Variants in SLIT2 observed in about 807,000 individuals in gnomAD.
SLIT2 encodes the protein slit homolog 2 protein.
Under a neutral mutation model 185.7 loss-of-function variants are expected in SLIT2, and 41 were observed. That is an observed-to-expected ratio of 0.22 (90% CI 0.17 to 0.29). The LOEUF is 0.29. SLIT2 is among the 10% of genes least tolerant of loss of function. SLIT2 has a pLI of 1.00. For missense variants in SLIT2, 1,571 were observed against 1,909.0 expected (o/e 0.82, Z 3.30); for synonymous variants, 693 against 680.2 (o/e 1.02, Z -0.29).
chr4:20,357,453 T>G (rs1000170872), intron 4 of SLIT2, among the ~76,000 whole-genome samples: 1 of 152,150 alleles, frequency 6.6e-6, no homozygotes, highest in Non-Finnish European at 1.5e-5. Flanking sequence ...ATTAGAGATA[T>G]GCTATTTTTC....
At chr4:20,476,303 C>G (rs187242375) in intron 5 of SLIT2, among the ~76,000 whole-genome samples, 1 of 152,056 alleles carries the variant, frequency 6.6e-6, no homozygotes, top group Non-Finnish European at 1.5e-5. Flanking sequence ...CTTTTTCTCC[C>G]ATGTGGTTTA....
chr4:20,559,068 A>T (rs1369184283), intron 26 of SLIT2, among the ~76,000 whole-genome samples: 1 of 152,058 alleles, frequency 6.6e-6, no homozygotes, highest in African/African-American at 2.4e-5. Flanking sequence ...AAGTGTGAGG[A>T]TAATGCTACA....
intron 4 of SLIT2, among the ~76,000 whole-genome samples, chr4:20,465,559 A>G (rs1273155930): frequency 6.6e-6 from 1 of 152,166 alleles, no homozygotes; most frequent in Non-Finnish European, 1.5e-5. Context: ...AACCACACAT[A>G]AACCATTAGC....
intron 4 of SLIT2, among the ~76,000 whole-genome samples, chr4:20,350,314 A>G (rs543339721): frequency 2.0e-4 from 31 of 152,128 alleles, no homozygotes; most frequent in African/African-American, 7.2e-4. Context: ...GCTGAGTACA[A>G]ATATCCTCCA....
chr4:20,324,532 G>A (rs1719391661), intron 4 of SLIT2, among the ~76,000 whole-genome samples: 1 of 152,074 alleles, frequency 6.6e-6, no homozygotes, highest in Admixed American at 6.6e-5. Context: ...AATGGAATCA[G>A]GAATTGAAAA....
chr4:20,478,057 A>G (rs1447210553), intron 5 of SLIT2, among the ~76,000 whole-genome samples: 2 of 152,204 alleles, frequency 1.3e-5, no homozygotes, highest in Admixed American at 6.5e-5. Context: ...CATAGTTTTG[A>G]CACTGTTTAT....
Position 20,388,910 on chromosome 4 carries a change from T to C in SLIT2, c.396-78842T>C, listed in dbSNP as rs950653540. On this transcript the variant is annotated intron_variant, in intron 4 of 36. Coordinates refer to ENST00000504154, the MANE Select transcript of SLIT2 (RefSeq NM_004787.4). ...AAACATAATATATATAATATATACA[T>C]ATAATATATATAATATATAATATAT... is the stretch of plus-strand genomic sequence containing the variant. Among the ~76,000 whole-genome samples the C allele has an allele frequency of 9.6e-5, 14 of 146,150 alleles. 1 individual carries two copies. The East Asian group carries it at 2.0e-3, about 21-fold the overall frequency.
At chr4:20,291,227 G>A (rs149807964) in intron 4 of SLIT2, among the ~76,000 whole-genome samples, 15 of 151,798 alleles carry the variant, frequency 9.9e-5, no homozygotes, top group Admixed American at 6.6e-5. Context: ...TATCTAAGTC[G>A]TTCCTGGAAA....
chr4:20,391,189 A>G (rs1192225714), intron 4 of SLIT2, among the ~76,000 whole-genome samples: 3 of 152,076 alleles, frequency 2.0e-5, no homozygotes, highest in Non-Finnish European at 4.4e-5. Flanking sequence ...GTTGCAGAAT[A>G]ATGTATATGT....
At chr4:20,580,791 C>G (rs1726496144) in intron 29 of SLIT2, among the ~76,000 whole-genome samples, 2 of 152,132 alleles carry the variant, frequency 1.3e-5, no homozygotes, top group Admixed American at 6.5e-5. Flanking sequence ...CATCTTGACT[C>G]TCTTGAAGCA....
intron 26 of SLIT2, among the ~76,000 whole-genome samples, chr4:20,557,169 G>A (rs1212910269): frequency 6.6e-6 from 1 of 152,092 alleles, no homozygotes; most frequent in African/African-American, 2.4e-5. Context: ...GCTACAGCAA[G>A]TTACCCAGAA....
At chr4:20,275,661 G>GTTA (rs1465102981) in intron 4 of SLIT2, among the ~76,000 whole-genome samples, 1 of 152,086 alleles carries the variant, frequency 6.6e-6, no homozygotes, top group East Asian at 1.9e-4. Flanking sequence ...TTTGTACCAT[G>GTTA]TTATTTCTCT....
At chr4:20,512,800 G>A (rs1487338158) in intron 11 of SLIT2, among the ~76,000 whole-genome samples, 1 of 152,118 alleles carries the variant, frequency 6.6e-6, no homozygotes, top group Non-Finnish European at 1.5e-5. Flanking sequence ...AAATCAGTGG[G>A]AAATTCTTAT....
rs369690940 is a variant in SLIT2, at chr4:20,569,716, T to C, written c.3088+712T>C. Among the ~76,000 whole-genome samples, 376 of 152,158 alleles carry C rather than the reference T, an allele frequency of 2.5e-3. 4 individuals carry two copies. Among genetic ancestry groups the C allele is most frequent in the African/African-American group, 8.4e-3 (347 of 41,534 alleles). On this transcript the variant is annotated intron_variant, in intron 29 of 36. Coordinates refer to ENST00000504154, the MANE Select transcript of SLIT2 (RefSeq NM_004787.4). The stretch of plus-strand genomic sequence containing the variant: ...TGCTCTTTTTCCTTTAATAAATTAC[T>C]TAACATTGACAAAGGAAAAACAAGA...
chr4:20,361,037 A>G (rs1285637668), intron 4 of SLIT2, among the ~76,000 whole-genome samples: 1 of 152,174 alleles, frequency 6.6e-6, no homozygotes, highest in Non-Finnish European at 1.5e-5. Context: ...ACAAATTATA[A>G]TCAGCATGTT....
chr4:20,257,490 G>T (rs914854409), intron 2 of SLIT2, among the ~76,000 whole-genome samples: 1 of 152,000 alleles, frequency 6.6e-6, no homozygotes, highest in Admixed American at 6.6e-5. Flanking sequence ...ATCCATGTCA[G>T]AATTGAAGTA....
chr4:20,258,319 A>C (rs897481977), intron 3 of SLIT2, among the ~76,000 whole-genome samples: 3 of 151,428 alleles, frequency 2.0e-5, no homozygotes, highest in Non-Finnish European at 4.4e-5. Context: ...GCTAATTGTT[A>C]TTTTCATTTT....
intron 4 of SLIT2, among the ~76,000 whole-genome samples, chr4:20,421,634 C>T (rs1037073644): frequency 3.3e-5 from 5 of 152,220 alleles, no homozygotes; most frequent in African/African-American, 1.2e-4. Flanking sequence ...ATATTCCCTT[C>T]TCCCCAGCCC....
At chr4:20,301,925 G>T (rs1049560925) in intron 4 of SLIT2, among the ~76,000 whole-genome samples, 2 of 152,060 alleles carry the variant, frequency 1.3e-5, no homozygotes, top group African/African-American at 2.4e-5. Flanking sequence ...ATATACTGTC[G>T]ATTTTTTGGC....
Sources: allele counts gnomAD v4.1 joint callset (sites outside exome capture counted in the v4.1 genomes callset), GRCh38; gene constraint gnomAD v4.1.1; transcripts MANE v1.5; gene names NCBI Gene and HGNC (gene_info 2026-07-23, HGNC 2026-07-21).